Variants in AP1M1 observed in about 807,000 individuals in gnomAD.
AP1M1 encodes the protein AP-1 complex subunit mu-1.
A neutral mutation model predicts 57.1 loss-of-function variants in AP1M1; 18 were observed. That is an observed-to-expected ratio of 0.32 (90% CI 0.22 to 0.47). AP1M1 has a LOEUF of 0.47. AP1M1 is among the 20% of genes least tolerant of loss of function. The pLI, the probability that AP1M1 is intolerant of heterozygous loss-of-function variation, is 1.00. For missense variants in AP1M1, 362 were observed against 593.5 expected, an observed-to-expected ratio of 0.61 and a Z score of 4.05; for synonymous variants, 241 against 237.9, an observed-to-expected ratio of 1.01 and a Z score of -0.12.
intron 5 of AP1M1, among the ~76,000 whole-genome samples, chr19:16,216,367 C>T (rs796925915): frequency 7.9e-5 from 12 of 152,112 alleles, no homozygotes; most frequent in African/African-American, 2.4e-4. Flanking sequence ...ATGGCGTGAA[C>T]CCAGGAGGCG....
In AP1M1 at chr19:16,239,825, A is replaced by C. The variant is rs12976737; in HGVS notation, c.*5390A>C. ...CAACTTGGTTGGAGGGTGTTAAAAT[A>C]CAAGTGAGACATAGATGAAGAGAAT... is the stretch of plus-strand genomic sequence containing the variant. On this transcript the variant is annotated 3_prime_UTR_variant, in exon 12 of 12. Transcript: ENST00000291439. The C allele has an allele frequency of 6.6e-6, 1 of 151,500 alleles. No homozygotes were observed. The highest frequency in any genetic ancestry group is 6.6e-5 in the Admixed American group (1 of 15,198). 9.4% of individuals were successfully genotyped at this position (151,500 alleles called of 1,614,324 possible).
At chr19:16,224,859 CCCGAGCTCCTGAGCCT>C (rs1356694245) in intron 5 of AP1M1, among the ~76,000 whole-genome samples, 1 of 152,084 alleles carries the variant, frequency 6.6e-6, no homozygotes, top group Non-Finnish European at 1.5e-5. Flanking sequence ...CAGTGAGGGT[CCCGAGCTCCTGAGCCT>C]CCGCTTGCCC....
chr19:16,198,810 T>C (rs927582251), intron 1 of AP1M1, among the ~76,000 whole-genome samples: 4 of 151,904 alleles, frequency 2.6e-5, no homozygotes, highest in African/African-American at 4.8e-5. Flanking sequence ...AGTCCCTTTT[T>C]TTTTGTTTTG....
intron 5 of AP1M1, among the ~76,000 whole-genome samples, chr19:16,219,454 A>G (rs929620698): frequency 4.7e-5 from 7 of 150,096 alleles, no homozygotes; most frequent in African/African-American, 1.7e-4. Flanking sequence ...CTGGAGTGCA[A>G]TGGCACAATC....
chr19:16,231,533 G>T (rs56195296), intron 9 of AP1M1, among the ~76,000 whole-genome samples: 1 of 151,846 alleles, frequency 6.6e-6, no homozygotes, highest in African/African-American at 2.4e-5. Flanking sequence ...GGGTTCAAGC[G>T]ATTCTCCTGC....
At chr19:16,198,968 G>T (rs961365073) in intron 1 of AP1M1, among the ~76,000 whole-genome samples, 1 of 151,982 alleles carries the variant, frequency 6.6e-6, no homozygotes, top group African/African-American at 2.4e-5. Flanking sequence ...CCACTACGCC[G>T]AGCTAAATTT....
At chr19:16,222,352 TG>T (rs1369195402) in intron 5 of AP1M1, among the ~76,000 whole-genome samples, 6 of 151,448 alleles carry the variant, frequency 4.0e-5, no homozygotes, top group African/African-American at 1.5e-4. Flanking sequence ...GGACTACAGG[TG>T]TGCACCACCA....
At chr19:16,198,121 G>A (rs1329690198) in intron 1 of AP1M1, 53 bp downstream of exon 1, 2 of 1,584,092 alleles carry the variant, frequency 1.3e-6, no homozygotes, top group Non-Finnish European at 1.7e-6. Context: ...AGGGGCCTCC[G>A]CCCGCGGGGA....
intron 5 of AP1M1, among the ~76,000 whole-genome samples, chr19:16,219,272 A>G (rs1055482899): frequency 2.8e-4 from 42 of 152,176 alleles, no homozygotes; most frequent in African/African-American, 8.0e-4. Context: ...CCCTTATACA[A>G]ATGCTTGGGA....
At chr19:16,211,765 A>C (rs2091495185) in intron 5 of AP1M1, among the ~76,000 whole-genome samples, 1 of 152,054 alleles carries the variant, frequency 6.6e-6, no homozygotes, top group Non-Finnish European at 1.5e-5. Flanking sequence ...AAAACAAAAA[A>C]CAAAACCAAA....
chr19:16,214,609 C>T (rs1419082438), intron 5 of AP1M1, among the ~76,000 whole-genome samples: 1 of 152,152 alleles, frequency 6.6e-6, no homozygotes, highest in Non-Finnish European at 1.5e-5. Context: ...GCCTCAGCCT[C>T]CCAAAGTGCT....
chr19:16,210,760 A>T (rs1460916336), intron 5 of AP1M1, among the ~76,000 whole-genome samples: 1 of 151,856 alleles, frequency 6.6e-6, no homozygotes, highest in African/African-American at 2.4e-5. Flanking sequence ...GGGTTTCACC[A>T]TGTTGGCCAG....
rs747708264 is a variant in AP1M1, at chr19:16,210,331, T to C, written c.546+1154T>C. 42 of 715,672 alleles carry C rather than the reference T, an allele frequency of 5.9e-5. 2 individuals carry two copies. The South Asian group carries it at 6.1e-4, about 10-fold the overall frequency. The allele number at this position is 715,672 out of a possible 1,614,324, so 44.3% of individuals were successfully genotyped here. ...TAGAAACATGTCGTGTCCAGGTTTA[T>C]GTGTGGACATAAGTTTTCATCTCTC... On this transcript the variant is annotated intron_variant, in intron 5 of 11. Coordinates refer to ENST00000291439, the MANE Select transcript of AP1M1 (RefSeq NM_032493.4).
chr19:16,201,019 C>T (rs1021517124), intron 1 of AP1M1, among the ~76,000 whole-genome samples: 2 of 152,154 alleles, frequency 1.3e-5, no homozygotes, highest in African/African-American at 2.4e-5. Context: ...AGAGAGGTCC[C>T]GCCGCCACCA....
At chr19:16,220,400 G>GT (rs905224183) in intron 5 of AP1M1, among the ~76,000 whole-genome samples, 12 of 151,324 alleles carry the variant, frequency 7.9e-5, no homozygotes, top group South Asian at 2.1e-4. Flanking sequence ...TGTTTTTTGT[G>GT]TTTTTTTTGA....
intron 5 of AP1M1, among the ~76,000 whole-genome samples, chr19:16,209,499 G>T (rs1451073031): frequency 3.9e-5 from 6 of 152,102 alleles, no homozygotes; most frequent in Admixed American, 3.9e-4. Flanking sequence ...CTCGGCTAAA[G>T]CTTGTTTTCT....
chr19:16,205,334 C>G (rs1006491520), intron 2 of AP1M1, among the ~76,000 whole-genome samples: 3 of 152,186 alleles, frequency 2.0e-5, no homozygotes, highest in Non-Finnish European at 4.4e-5. Context: ...TCACCCCCAG[C>G]CGGGACAGTG....
In AP1M1 at chr19:16,234,602, A is replaced by G. The variant is rs2091616331; in HGVS notation, c.*167A>G. 15 of 767,040 alleles carry G rather than the reference A, an allele frequency of 2.0e-5. No homozygotes were observed. The highest frequency in any genetic ancestry group is 7.8e-5 in the Admixed American group (3 of 38,292). The allele number at this position is 767,040 out of a possible 1,614,324, so 47.5% of individuals were successfully genotyped here. A position where few individuals can be genotyped will look rare whatever the true frequency, so the allele number is the denominator to read the frequency against. On this transcript the variant is annotated 3_prime_UTR_variant, in exon 12 of 12. Coordinates refer to ENST00000291439, the MANE Select transcript of AP1M1 (RefSeq NM_032493.4). ...CCAGGCCATCTGCTCTGCCGTCGAC[A>G]CTCGTCTCAGAAGCCCCTTTCCCAG...
At chr19:16,217,437 T>C (rs752822419) in intron 5 of AP1M1, among the ~76,000 whole-genome samples, 1 of 152,114 alleles carries the variant, frequency 6.6e-6, no homozygotes, top group Non-Finnish European at 1.5e-5. Context: ...AGGGTGCCTG[T>C]GGGCAAGAAC....
Sources: allele counts gnomAD v4.1 joint callset (sites outside exome capture counted in the v4.1 genomes callset), GRCh38; gene constraint gnomAD v4.1.1; transcripts MANE v1.5; gene names NCBI Gene and HGNC (gene_info 2026-07-23, HGNC 2026-07-21).